Variants in PCDH15 observed in about 807,000 individuals in gnomAD.
PCDH15 encodes the protein protocadherin-15.
PCDH15 carries 129 observed loss-of-function variants against 178.5 expected under a neutral mutation model. The observed-to-expected ratio is 0.72, with a 90% CI of 0.63 to 0.84. PCDH15 has a LOEUF of 0.84. Among genes scored for constraint, PCDH15 ranks in the 40% least tolerant of loss-of-function variants. PCDH15 has a pLI of 0.00. For synonymous variants in PCDH15, 800 were observed against 732.0 expected, an observed-to-expected ratio of 1.09 and a Z score of -1.50; for missense variants, 2,230 against 2,099.9, an observed-to-expected ratio of 1.06 and a Z score of -1.21.
At chr10:55,372,671 T>G (rs989530327) in intron 2 of PCDH15, among the ~76,000 whole-genome samples, 1 of 152,102 alleles carries the variant, frequency 6.6e-6, no homozygotes, top group Non-Finnish European at 1.5e-5. Flanking sequence ...AAATTGATAA[T>G]GTGTCATTAT....
At chr10:54,422,277 T>C (rs966098374) in intron 3 of PCDH15, among the ~76,000 whole-genome samples, 2 of 152,078 alleles carry the variant, frequency 1.3e-5, no homozygotes, top group Admixed American at 1.3e-4. Context: ...GGCTATGTGA[T>C]TGTGGATGTT....
At chr10:55,079,201 T>C (rs1841980114) in intron 2 of PCDH15, among the ~76,000 whole-genome samples, 2 of 152,228 alleles carry the variant, frequency 1.3e-5, no homozygotes, top group African/African-American at 2.4e-5. Flanking sequence ...TTTATGTTGA[T>C]ATCTATGCAC....
chr10:54,968,491 C>T (rs1325404011), intron 2 of PCDH15, among the ~76,000 whole-genome samples: 1 of 151,564 alleles, frequency 6.6e-6, no homozygotes, highest in African/African-American at 2.4e-5. Flanking sequence ...CAGTCTCCTA[C>T]CTTGTATTGT....
At chr10:55,166,509 A>C (rs1241152934) in intron 2 of PCDH15, 1 of 152,144 alleles carries the variant, frequency 6.6e-6, no homozygotes, top group Admixed American at 6.5e-5. Flanking sequence ...TGAAATATAG[A>C]TGTAATGTAT....
chr10:55,053,384 A>G (rs937210731), intron 2 of PCDH15, among the ~76,000 whole-genome samples: 1 of 152,224 alleles, frequency 6.6e-6, no homozygotes, highest in South Asian at 2.1e-4. Context: ...TCAAGACGGT[A>G]CATGAGTAGG....
intron 2 of PCDH15, among the ~76,000 whole-genome samples, chr10:54,625,850 CAGA>C (rs2093530598): frequency 6.6e-6 from 1 of 152,020 alleles, no homozygotes; most frequent in Admixed American, 6.6e-5. Context: ...TTAGAGGGCT[CAGA>C]AGAAGAGAGG....
chr10:53,993,394 A>T (rs2091649813), intron 21 of PCDH15, among the ~76,000 whole-genome samples: 1 of 152,188 alleles, frequency 6.6e-6, no homozygotes, highest in Non-Finnish European at 1.5e-5. Flanking sequence ...AACTGAAATA[A>T]GTTTTGATTC....
At chr10:55,432,788 T>G (rs1838918022) in intron 2 of PCDH15, among the ~76,000 whole-genome samples, 1 of 151,034 alleles carries the variant, frequency 6.6e-6, no homozygotes, top group South Asian at 2.1e-4. Flanking sequence ...TATATATATA[T>G]ATATATATTT....
intron 1 of PCDH15, among the ~76,000 whole-genome samples, chr10:54,765,091 G>A (rs538870335): frequency 3.9e-5 from 6 of 152,222 alleles, no homozygotes; most frequent in Admixed American, 1.3e-4. Flanking sequence ...AAGTTGTGGA[G>A]AAAATAAATA....
rs567693994 is a variant in PCDH15, at chr10:54,021,453, T to C, written c.2527-1037A>G. 2.0e-4 allele frequency among the ~76,000 whole-genome samples: 30 copies of C among 152,150 alleles called. 1 individual carries two copies. The East Asian group carries it at 4.3e-3, about 22-fold the overall frequency. On this transcript the variant is annotated intron_variant, in intron 19 of 37. Transcript: ENST00000644397. ...CTGCTTAAAATCCCCTGGTTTTTAA[T>C]TCAATTTTCAATCAACGCCATTATC...
At chr10:54,990,153 G>T (rs1839465167) in intron 2 of PCDH15, among the ~76,000 whole-genome samples, 1 of 152,190 alleles carries the variant, frequency 6.6e-6, no homozygotes, top group Non-Finnish European at 1.5e-5. Flanking sequence ...CAGCATGAAA[G>T]CAGACTAATA....
intron 3 of PCDH15, among the ~76,000 whole-genome samples, chr10:54,421,565 T>C (rs1464907812): frequency 1.4e-5 from 2 of 144,558 alleles, no homozygotes; most frequent in Non-Finnish European, 3.0e-5. Context: ...CTAATTCGTA[T>C]AAGATGCCTA....
In PCDH15 at chr10:54,340,912, A is replaced by G. The variant is rs908293948; in HGVS notation, c.594+5453T>C. On this transcript the variant is annotated intron_variant, in intron 6 of 37. Transcript: ENST00000644397. ...TTACCAGTTTAACATTCCCAGAAAA[A>G]GGTCATATACTAGTGAAATTCTGCC... Among the ~76,000 whole-genome samples the G allele has an allele frequency of 3.9e-5, 6 of 152,222 alleles. No homozygotes were observed. The East Asian group carries it at 1.2e-3, about 29-fold the overall frequency.
chr10:55,465,464 C>T (rs1330643914), intron 2 of PCDH15, among the ~76,000 whole-genome samples: 2 of 152,062 alleles, frequency 1.3e-5, no homozygotes, highest in African/African-American at 4.8e-5. Flanking sequence ...CAACTAGGAC[C>T]AATGGCAGAG....
At chr10:53,969,732 C>A (rs1350681029) in intron 21 of PCDH15, among the ~76,000 whole-genome samples, 2 of 152,136 alleles carry the variant, frequency 1.3e-5, no homozygotes, top group African/African-American at 2.4e-5. Flanking sequence ...GAATTTTCAA[C>A]CCAGAATTTC....
At chr10:53,949,910 A>G (rs2086881244) in intron 23 of PCDH15, among the ~76,000 whole-genome samples, 1 of 152,184 alleles carries the variant, frequency 6.6e-6, no homozygotes, top group African/African-American at 2.4e-5. Flanking sequence ...TCTGTTTTGT[A>G]TATCAAGAGG....
intron 2 of PCDH15, among the ~76,000 whole-genome samples, chr10:54,659,703 G>A (rs1385003194): frequency 6.6e-6 from 1 of 150,424 alleles, no homozygotes; most frequent in Non-Finnish European, 1.5e-5. Flanking sequence ...GCAGTGAGCT[G>A]AGATAGCACC....
chr10:54,317,273 G>T lies in PCDH15; in HGVS notation c.874C>A (p.Pro292Thr). 6.2e-7 allele frequency: 1 copy of T among 1,613,146 alleles called. No individual in the cohort carries two copies. The highest frequency in any genetic ancestry group is 8.5e-7 in the Non-Finnish European group (1 of 1,179,208). The change falls in exon 8 of 38, where the codon CCG becomes ACG. Residue 292 changes from proline (P) to threonine (T), a missense_variant and splice_region_variant. Coordinates refer to ENST00000644397, the MANE Select transcript of PCDH15 (RefSeq NM_001384140.1). Reference protein sequence around the residue: ...YQAAIPELRTPEELNPIIVTP... With the variant: ...YQAAIPELRTTEELNPIIVTP... ...GAGAAAGATAAGAGTATATTTACCG[G>T]AGTTCTCAACTCAGGTATGGCAGCT...
chr10:55,585,797 GAGAT>G (rs1842716746), intron 2 of PCDH15, among the ~76,000 whole-genome samples: 1 of 152,022 alleles, frequency 6.6e-6, no homozygotes. Flanking sequence ...ATATGAGAGA[GAGAT>G]AGACTGTTCT....
Sources: allele counts gnomAD v4.1 joint callset (sites outside exome capture counted in the v4.1 genomes callset), GRCh38; gene constraint gnomAD v4.1.1; transcripts MANE v1.5; gene names NCBI Gene and HGNC (gene_info 2026-07-23, HGNC 2026-07-21).